SUMF2: variants seen among roughly 807,000 people sequenced by gnomAD.
SUMF2 encodes the protein inactive C-alpha-formylglycine-generating enzyme 2.
A neutral mutation model predicts 44.8 loss-of-function variants in SUMF2; 45 were observed. That is an observed-to-expected ratio of 1.00 (90% CI 0.79 to 1.29). The LOEUF (loss-of-function observed/expected upper bound fraction) is 1.29. Among genes scored for constraint, SUMF2 ranks in the 50% most tolerant of loss-of-function variants. The pLI is 0.00. For synonymous variants in SUMF2, 148 were observed against 150.4 expected, an observed-to-expected ratio of 0.98 and a Z score of 0.12; for missense variants, 418 against 389.9, an observed-to-expected ratio of 1.07 and a Z score of -0.61.
At chr7:56,072,747 C>A (rs1562864175) in intron 2 of SUMF2, among the ~76,000 whole-genome samples, 1 of 146,272 alleles carries the variant, frequency 6.8e-6, no homozygotes, top group African/African-American at 2.5e-5. Context: ...AATAAACAAA[C>A]AAATAAAATA....
chr7:56,075,355 C>G (rs1462207695), intron 5 of SUMF2, among the ~76,000 whole-genome samples: 1 of 151,990 alleles, frequency 6.6e-6, no homozygotes, highest in Non-Finnish European at 1.5e-5. Flanking sequence ...AAAAGAATTA[C>G]CAAGACTACA....
At chr7:56,087,506 G>T in the SUMF2 span, 2 of 1,263,262 alleles carry the variant, frequency 1.6e-6, no homozygotes, top group Non-Finnish European at 2.2e-6. Context: ...GGTTCTAGTT[G>T]GCTGTGCGGT....
chr7:56,079,743 C>A lies in SUMF2; in HGVS notation c.*131C>A, dbSNP rs567496399. Reference sequence around the variant, plus strand: ...GAACTTCCCCTTCCCTGTCTCCCATCCCTCTGTGGCAGGCGCCTCTCACCA... The same window carrying A: ...GAACTTCCCCTTCCCTGTCTCCCATACCTCTGTGGCAGGCGCCTCTCACCA... On this transcript the variant is annotated 3_prime_UTR_variant, in exon 9 of 9. Coordinates refer to ENST00000434526, the MANE Select transcript of SUMF2 (RefSeq NM_015411.4). 6.3e-7 allele frequency: 1 copy of A among 1,577,764 alleles called. No individual in the cohort carries two copies. The highest frequency in any genetic ancestry group is 1.3e-5 in the African/African-American group (1 of 74,092).
At chr7:56,073,425 A>G in intron 3 of SUMF2, 1 of 379,480 alleles carries the variant, frequency 2.6e-6, no homozygotes, top group Non-Finnish European at 5.1e-6. Context: ...GGCTGAGGTG[A>G]GTGGATCACC....
At chr7:56,076,765 C>G in intron 5 of SUMF2, 69 bp from the exon 6 acceptor site, 1 of 1,415,078 alleles carries the variant, frequency 7.1e-7, no homozygotes, top group South Asian at 1.3e-5. Context: ...CTCACTCTTT[C>G]TGTGTTCTTT....
At chr7:56,086,454 C>T in the SUMF2 span, among the ~76,000 whole-genome samples, 6 of 152,028 alleles carry the variant, frequency 3.9e-5, no homozygotes, top group African/African-American at 7.2e-5. Context: ...GGGAGAATCA[C>T]GTGAGGCCAA....
At position 56,074,585 on chromosome 7, in the gene SUMF2, G is replaced by T; in HGVS notation, c.385-1G>T. ...CTGTCTCACTTAATCCTGGCTGTCA[G>T]CCTGCAGGTCCTGGCTCTGGCATCC... is the stretch of plus-strand genomic sequence containing the variant. On this transcript the variant is annotated splice_acceptor_variant, in intron 4 of 8. Transcript: ENST00000434526. LOFTEE classifies it high-confidence loss of function. The T allele has an allele frequency of 1.2e-6, 2 of 1,613,894 alleles. No individual in the cohort carries two copies. The highest frequency in any genetic ancestry group is 1.7e-6 in the Non-Finnish European group (2 of 1,179,880).
At chr7:56,064,985 A>G (rs1165102349) in intron 1 of SUMF2, among the ~76,000 whole-genome samples, 1 of 150,344 alleles carries the variant, frequency 6.7e-6, no homozygotes, top group Non-Finnish European at 1.5e-5. Context: ...GAGGTCAGGA[A>G]ATCGAGACCA....
chr7:56,087,847 A>C, the SUMF2 span: 3 of 1,235,596 alleles, frequency 2.4e-6, no homozygotes, highest in Non-Finnish European at 3.5e-6. Flanking sequence ...TAGAGGCTGC[A>C]GCAGAGATGT....
At chr7:56,082,598 A>G (rs1386111371), downstream of SUMF2, among the ~76,000 whole-genome samples, 1 of 151,764 alleles carries the variant, frequency 6.6e-6, no homozygotes, top group Non-Finnish European at 1.5e-5. Flanking sequence ...TTTCAAAAAA[A>G]AAAGAGAGGA....
chr7:56,082,966 C>A (rs1003879212), downstream of SUMF2, among the ~76,000 whole-genome samples: 4 of 151,932 alleles, frequency 2.6e-5, no homozygotes, highest in African/African-American at 9.7e-5. Flanking sequence ...ATTAGCCGAG[C>A]GTTGTGGCGC....
intron 2 of SUMF2, among the ~76,000 whole-genome samples, chr7:56,072,006 G>A (rs983879835): frequency 3.3e-5 from 5 of 150,976 alleles, no homozygotes; most frequent in Non-Finnish European, 1.5e-5. Context: ...TACTGGGGAA[G>A]CTGAGGCAAG....
At position 56,071,785 on chromosome 7, in the gene SUMF2, A is replaced by AAAATAAATAAATAAATAAAT. The variant is rs71015179; in HGVS notation, c.225-1201_225-1182dup. ...GGGCCATAGAGTGAGACTCCGTCTA[A>AAAATAAATAAATAAATAAAT]AAATAAATAAATAAATAAATAAATA... is the stretch of plus-strand genomic sequence containing the variant. On this transcript the variant is annotated intron_variant, in intron 2 of 8. Coordinates refer to ENST00000434526, the MANE Select transcript of SUMF2 (RefSeq NM_015411.4). 5.5e-5 allele frequency among the ~76,000 whole-genome samples: 8 copies of AAAATAAATAAATAAATAAAT among 145,156 alleles called. No individual in the cohort carries two copies. The East Asian group carries it at 6.2e-4, about 11-fold the overall frequency.
chr7:56,071,132 C>T (rs570392388), intron 2 of SUMF2, among the ~76,000 whole-genome samples: 38 of 152,052 alleles, frequency 2.5e-4, no homozygotes, highest in African/African-American at 7.2e-4. Context: ...TTTGGGAGTC[C>T]GAGGTGTGTG....
At chr7:56,077,042 GCTTT>G (rs915669264) in intron 6 of SUMF2, among the ~76,000 whole-genome samples, 153 bp downstream of exon 6, 3 of 150,590 alleles carry the variant, frequency 2.0e-5, no homozygotes, top group African/African-American at 7.3e-5. Context: ...GGTCATAAGT[GCTTT>G]CTTTTTTTTT....
chr7:56,086,094 C>T, the SUMF2 span, among the ~76,000 whole-genome samples: 1 of 151,720 alleles, frequency 6.6e-6, no homozygotes, highest in Admixed American at 6.6e-5. Flanking sequence ...ACCTTACATC[C>T]TGCCACCCTC....
the SUMF2 span, among the ~76,000 whole-genome samples, chr7:56,087,377 A>G: frequency 6.6e-6 from 1 of 151,966 alleles, no homozygotes; most frequent in African/African-American, 2.4e-5. Context: ...ATGCACCAGC[A>G]TGCCTGGCTA....
At chr7:56,067,488 T>C (rs1794879676) in intron 1 of SUMF2, among the ~76,000 whole-genome samples, 2 of 152,134 alleles carry the variant, frequency 1.3e-5, no homozygotes, top group Admixed American at 1.3e-4. Context: ...TTTTAATTGA[T>C]ACAGCTGCTA....
At chr7:56,078,297 G>A in intron 7 of SUMF2, 67 bp from the exon 8 acceptor site, 1 of 1,559,616 alleles carries the variant, frequency 6.4e-7, no homozygotes, top group East Asian at 2.3e-5. Flanking sequence ...TGGCCCCCAG[G>A]ACCTCAGAGG....
Sources: allele counts gnomAD v4.1 joint callset (sites outside exome capture counted in the v4.1 genomes callset), GRCh38; gene constraint gnomAD v4.1.1; transcripts MANE v1.5; gene names NCBI Gene and HGNC (gene_info 2026-07-23, HGNC 2026-07-21).